Variants in SYT1 observed in about 807,000 individuals in gnomAD.
SYT1 encodes the protein synaptotagmin 1.
A neutral mutation model predicts 44.8 loss-of-function variants in SYT1; 8 were observed. The observed-to-expected ratio is 0.18, with a 90% CI of 0.10 to 0.32. The LOEUF is 0.32. SYT1 is among the 10% of genes least tolerant of loss of function. The probability of loss-of-function intolerance (pLI) is 1.00; values close to 1 mark genes in which losing one functional copy is unlikely to be tolerated. For synonymous variants in SYT1, 154 were observed against 188.8 expected (o/e 0.82, Z 1.51); for missense variants, 286 against 509.3 (o/e 0.56, Z 4.22).
intron 9 of SYT1, among the ~76,000 whole-genome samples, chr12:79,385,421 A>G (rs1279974575): frequency 1.3e-5 from 2 of 152,200 alleles, no homozygotes; most frequent in East Asian, 1.9e-4. Flanking sequence ...TTTATTTTCT[A>G]TGTATTTGTG....
At chr12:79,107,313 G>C (rs1878771261) in intron 3 of SYT1, among the ~76,000 whole-genome samples, 2 of 151,874 alleles carry the variant, frequency 1.3e-5, no homozygotes, top group South Asian at 4.1e-4. Context: ...ATAATATAAA[G>C]TGTAATGGTT....
intron 4 of SYT1, among the ~76,000 whole-genome samples, chr12:79,242,864 C>T (rs1876594977): frequency 1.3e-5 from 2 of 151,986 alleles, no homozygotes; most frequent in African/African-American, 4.8e-5. Flanking sequence ...TGCTTTTTTC[C>T]TAAAATGGTG....
chr12:78,921,090 T>C (rs115320009), intron 1 of SYT1, among the ~76,000 whole-genome samples: 90 of 152,054 alleles, frequency 5.9e-4, no homozygotes, highest in African/African-American at 2.0e-3. Flanking sequence ...ATAACTAAAA[T>C]TAAAAGAAAA....
chr12:79,222,153 T>A (rs1467539600), intron 4 of SYT1, among the ~76,000 whole-genome samples: 2 of 152,242 alleles, frequency 1.3e-5, no homozygotes, highest in Non-Finnish European at 2.9e-5. Flanking sequence ...TGTTGAGAAG[T>A]TGGCTGCTGG....
intron 2 of SYT1, among the ~76,000 whole-genome samples, chr12:79,015,933 C>T (rs190314749): frequency 6.6e-6 from 1 of 152,252 alleles, no homozygotes; most frequent in East Asian, 1.9e-4. Flanking sequence ...AGTGAGTCCA[C>T]AGCAGATCTA....
intron 2 of SYT1, among the ~76,000 whole-genome samples, chr12:79,021,860 T>C (rs1358395477): frequency 6.6e-6 from 1 of 151,932 alleles, no homozygotes; most frequent in Non-Finnish European, 1.5e-5. Context: ...ATTTTTATTC[T>C]GTTGCCAAAA....
rs769106287 is a variant in SYT1 at position 79,299,374 on chromosome 12, T to A, written c.643-10T>A. 6.2e-7 allele frequency: 1 copy of A among 1,611,740 alleles called. No homozygotes were observed. The highest frequency in any genetic ancestry group is 8.5e-7 in the Non-Finnish European group (1 of 1,179,032). On this transcript the variant is annotated splice_polypyrimidine_tract_variant and intron_variant, in intron 7 of 10. Transcript: ENST00000261205. The stretch of plus-strand genomic sequence containing the variant: ...GACTGGATATTTTATCCTCATGTCT[T>A]TTAATTTAGGTACCATACTCGGAAT...
chr12:78,926,347 T>C (rs1877303308), intron 1 of SYT1, among the ~76,000 whole-genome samples: 1 of 152,118 alleles, frequency 6.6e-6, no homozygotes, highest in Non-Finnish European at 1.5e-5. Context: ...TGAAGTCTTC[T>C]GTGCATACTT....
intron 1 of SYT1, among the ~76,000 whole-genome samples, chr12:78,930,489 A>C (rs1241263658): frequency 1.3e-5 from 2 of 152,074 alleles, no homozygotes; most frequent in African/African-American, 2.4e-5. Context: ...AGTTGGGAAA[A>C]AAAAATAGAT....
chr12:78,996,351 G>C (rs1870380900), intron 2 of SYT1, among the ~76,000 whole-genome samples: 1 of 152,114 alleles, frequency 6.6e-6, no homozygotes, highest in African/African-American at 2.4e-5. Flanking sequence ...CTTAAGGAAG[G>C]GTTGGTTTCA....
At chr12:79,220,315 T>G (rs1042285583) in intron 4 of SYT1, among the ~76,000 whole-genome samples, 1 of 152,050 alleles carries the variant, frequency 6.6e-6, no homozygotes, top group East Asian at 1.9e-4. Flanking sequence ...CTTTTTTCTC[T>G]TAGCTAGGCT....
intron 9 of SYT1, among the ~76,000 whole-genome samples, chr12:79,384,853 T>C (rs1884369070): frequency 6.6e-6 from 1 of 152,200 alleles, no homozygotes; most frequent in African/African-American, 2.4e-5. Flanking sequence ...TAAGATGTTA[T>C]GTTCCTGATC....
chr12:78,876,744 ATATATTG>A (rs1257200075), intron 1 of SYT1, among the ~76,000 whole-genome samples: 8 of 96,556 alleles, frequency 8.3e-5, no homozygotes, highest in East Asian at 2.8e-4. Flanking sequence ...ATTATATATT[ATATATTG>A]TATATTATAT....
chr12:79,120,646 G>C (rs1474350381), intron 3 of SYT1, among the ~76,000 whole-genome samples: 1 of 152,112 alleles, frequency 6.6e-6, no homozygotes, highest in South Asian at 2.1e-4. Flanking sequence ...GATCAGCTGA[G>C]TGAACTGTAA....
At chr12:79,195,109 A>T (rs938130782) in intron 3 of SYT1, among the ~76,000 whole-genome samples, 1 of 152,210 alleles carries the variant, frequency 6.6e-6, no homozygotes, top group Non-Finnish European at 1.5e-5. Context: ...AGGCCATGGC[A>T]GACTGTATAA....
intron 5 of SYT1, among the ~76,000 whole-genome samples, chr12:79,289,075 CT>C (rs1879448949): frequency 6.6e-6 from 1 of 152,166 alleles, no homozygotes; most frequent in Non-Finnish European, 1.5e-5. Flanking sequence ...AATTCAGTCC[CT>C]TGTGCTACTT....
intron 1 of SYT1, among the ~76,000 whole-genome samples, chr12:78,870,668 A>G (rs1321982719): frequency 6.6e-6 from 1 of 152,062 alleles, no homozygotes; most frequent in Non-Finnish European, 1.5e-5. Context: ...AAAGGAAAGC[A>G]GACAAACCAC....
At position 79,226,910 on chromosome 12, in the gene SYT1, A is replaced by G. The variant is rs531816478; in HGVS notation, c.166+9225A>G. Among the ~76,000 whole-genome samples the G allele has an allele frequency of 3.3e-5, 5 of 152,204 alleles. 1 individual carries two copies. The highest frequency in any genetic ancestry group is 1.3e-4 in the Admixed American group (2 of 15,274). ...CTTAAAATCAAATTCCTTTAGGACT[A>G]TAAGATATATAAAGGTTATCACTTT... On this transcript the variant is annotated intron_variant, in intron 4 of 10. Coordinates refer to ENST00000261205, the MANE Select transcript of SYT1 (RefSeq NM_005639.3).
chr12:79,293,365 TAAAA>T (rs1210285817), intron 6 of SYT1, among the ~76,000 whole-genome samples: 3 of 133,542 alleles, frequency 2.2e-5, no homozygotes, highest in African/African-American at 8.5e-5. Flanking sequence ...TAAAATAAAA[TAAAA>T]TAAAATAAAA....
Sources: allele counts gnomAD v4.1 joint callset (sites outside exome capture counted in the v4.1 genomes callset), GRCh38; gene constraint gnomAD v4.1.1; transcripts MANE v1.5; gene names NCBI Gene and HGNC (gene_info 2026-07-23, HGNC 2026-07-21).